The following SNCAIP variants were observed in gnomAD, a reference collection of about 807,000 sequenced individuals.
SNCAIP encodes synuclein alpha interacting protein.
A neutral mutation model predicts 86.7 loss-of-function variants in SNCAIP; 43 were observed. The ratio of observed to expected loss-of-function variants is 0.50; its 90% confidence interval spans 0.39 to 0.64. The LOEUF is 0.64. Among genes scored for constraint, SNCAIP ranks in the 30% least tolerant of loss-of-function variants. The pLI, the probability that SNCAIP is intolerant of heterozygous loss-of-function variation, is 0.00. For missense variants in SNCAIP, 981 were observed against 1,103.1 expected, an observed-to-expected ratio of 0.89 and a Z score of 1.57; for synonymous variants, 417 against 427.2, an observed-to-expected ratio of 0.98 and a Z score of 0.29.
At chr5:122,334,175 C>T (rs1017046178) in intron 1 of SNCAIP, among the ~76,000 whole-genome samples, 18 of 151,982 alleles carry the variant, frequency 1.2e-4, no homozygotes, top group African/African-American at 4.1e-4. Flanking sequence ...TAGCATATAC[C>T]AGGTGCGGGC....
chr5:122,325,238 A>G (rs981241482), intron 1 of SNCAIP, among the ~76,000 whole-genome samples: 3 of 152,142 alleles, frequency 2.0e-5, no homozygotes, highest in Admixed American at 6.5e-5. Context: ...ATGGAATCCA[A>G]TCAGCAGGCT....
intron 1 of SNCAIP, chr5:122,369,725 T>A (rs1358928362): frequency 6.6e-6 from 1 of 152,182 alleles, no homozygotes; most frequent in African/African-American, 2.4e-5. Context: ...CCTTCCTTGG[T>A]GAAGGATGCA....
At chr5:122,463,337 GA>G (rs1277802467) in intron 10 of SNCAIP, among the ~76,000 whole-genome samples, 153 bp from the exon 11 acceptor site, 2 of 152,176 alleles carry the variant, frequency 1.3e-5, no homozygotes, top group Non-Finnish European at 2.9e-5. Flanking sequence ...TAGTTTACAT[GA>G]AAAGAGAATA....
intron 1 of SNCAIP, among the ~76,000 whole-genome samples, chr5:122,361,181 A>G (rs1161965362): frequency 6.6e-6 from 1 of 151,772 alleles, no homozygotes; most frequent in African/African-American, 2.4e-5. Context: ...TTTTTGAAAA[A>G]AAAAAAAAAA....
At chr5:122,388,292 G>T (rs574290098) in intron 1 of SNCAIP, among the ~76,000 whole-genome samples, 1 of 152,106 alleles carries the variant, frequency 6.6e-6, no homozygotes, top group East Asian at 1.9e-4. Context: ...ACACTGTTGG[G>T]GTCAAACAAA....
chr5:122,382,553 A>C (rs1232999711), intron 1 of SNCAIP, among the ~76,000 whole-genome samples: 4 of 152,204 alleles, frequency 2.6e-5, no homozygotes, highest in African/African-American at 9.7e-5. Flanking sequence ...CGTCAAAGTC[A>C]TTCTCCATCC....
intron 1 of SNCAIP, among the ~76,000 whole-genome samples, chr5:122,390,830 C>T (rs2152839343): frequency 6.6e-6 from 1 of 152,170 alleles, no homozygotes; most frequent in East Asian, 1.9e-4. Context: ...ACTGCTCTGG[C>T]AAAGACAAAC....
intron 1 of SNCAIP, among the ~76,000 whole-genome samples, chr5:122,323,964 A>G (rs1055829137): frequency 1.3e-5 from 2 of 152,188 alleles, no homozygotes; most frequent in African/African-American, 4.8e-5. Context: ...CACAGCATGA[A>G]AGGGAGTAGC....
chr5:122,456,373 A>C (rs1049038485), intron 10 of SNCAIP, among the ~76,000 whole-genome samples: 1 of 152,182 alleles, frequency 6.6e-6, no homozygotes, highest in African/African-American at 2.4e-5. Context: ...GTGAGATGAC[A>C]TCTACTATAG....
intron 3 of SNCAIP, among the ~76,000 whole-genome samples, chr5:122,406,238 T>C (rs1019896628): frequency 1.3e-5 from 2 of 152,204 alleles, no homozygotes. Flanking sequence ...ATCAGTTCCA[T>C]AGGCATCCAG....
chr5:122,448,191 T>G (rs1207983284), intron 8 of SNCAIP, among the ~76,000 whole-genome samples: 1 of 152,208 alleles, frequency 6.6e-6, no homozygotes, highest in African/African-American at 2.4e-5. Flanking sequence ...TTAAGAAAAT[T>G]TATGATATAT....
intron 1 of SNCAIP, among the ~76,000 whole-genome samples, chr5:122,355,350 G>A (rs1343975538): frequency 1.3e-5 from 2 of 151,832 alleles, no homozygotes; most frequent in African/African-American, 2.4e-5. Context: ...ACTAAAATAT[G>A]GTAATATAAG....
chr5:122,382,916 C>G (rs62381687), intron 1 of SNCAIP, among the ~76,000 whole-genome samples: 1 of 132,620 alleles, frequency 7.5e-6, no homozygotes, highest in South Asian at 2.4e-4. Context: ...TCTCCAGCTG[C>G]GTGCTGGGAG....
intron 1 of SNCAIP, among the ~76,000 whole-genome samples, chr5:122,375,973 G>T (rs1269288287): frequency 6.6e-6 from 1 of 152,066 alleles, no homozygotes; most frequent in African/African-American, 2.4e-5. Context: ...CTTAGCTTAG[G>T]TAGTGGTTCT....
chr5:122,403,878 C>T lies in SNCAIP; in HGVS notation c.130+13C>T. Reference sequence around the variant, plus strand: ...GAAGACAGATCAGGTAGGTTTTGCTCCTCCCCTCTTCTCCTTATCCTGGCT... The same window carrying T: ...GAAGACAGATCAGGTAGGTTTTGCTTCTCCCCTCTTCTCCTTATCCTGGCT... On this transcript the variant is annotated intron_variant, in intron 3 of 10. Transcript: ENST00000261368. 2 of 1,603,078 alleles carry T rather than the reference C, an allele frequency of 1.2e-6. No individual in the cohort carries two copies. Among genetic ancestry groups the T allele is most frequent in the South Asian group, 2.2e-5 (2 of 90,842 alleles).
Position 122,451,199 on chromosome 5 carries a change from C to T in SNCAIP, c.2352C>T (p.Asp784=), listed in dbSNP as rs376343769. The T allele has an allele frequency of 1.9e-6, 3 of 1,614,018 alleles. No individual in the cohort carries two copies. The highest frequency in any genetic ancestry group is 2.5e-6 in the Non-Finnish European group (3 of 1,180,032). ...PSGDPQQPSP[D]STAAQKVATS... is the part of the protein sequence containing the mutation. ...GTGACCCTCAGCAGCCCAGCCCTGACAGTACTGCTGCCCAGAAAGTTGCCA... is the reference window on the plus strand; with the variant it reads ...GTGACCCTCAGCAGCCCAGCCCTGATAGTACTGCTGCCCAGAAAGTTGCCA... Residue 784 remains aspartate (D), a synonymous_variant, in exon 10 of 11, where the codon GAC becomes GAT. Transcript: ENST00000261368.
At chr5:122,368,083 G>A (rs1763536310) in intron 1 of SNCAIP, among the ~76,000 whole-genome samples, 1 of 152,104 alleles carries the variant, frequency 6.6e-6, no homozygotes. Context: ...CTTTGCCATT[G>A]CAATTAACAG....
At chr5:122,351,368 C>G (rs1316637143) in intron 1 of SNCAIP, among the ~76,000 whole-genome samples, 1 of 151,686 alleles carries the variant, frequency 6.6e-6, no homozygotes, top group Admixed American at 6.6e-5. Flanking sequence ...GAAACACCAT[C>G]TCTACTAAAA....
intron 6 of SNCAIP, among the ~76,000 whole-genome samples, chr5:122,436,337 A>G (rs943118274): frequency 4.6e-5 from 7 of 152,062 alleles, no homozygotes; most frequent in Admixed American, 3.3e-4. Flanking sequence ...ACATTGCCCA[A>G]CCCATACTAG....
Sources: allele counts gnomAD v4.1 joint callset (sites outside exome capture counted in the v4.1 genomes callset), GRCh38; gene constraint gnomAD v4.1.1; transcripts MANE v1.5; gene names NCBI Gene and HGNC (gene_info 2026-07-23, HGNC 2026-07-21).